Variants in SKIC3 observed in about 807,000 individuals in gnomAD.
SKIC3 encodes the protein superkiller complex protein 3.
chr5:95,546,191 T>C, the SKIC3 span, among the ~76,000 whole-genome samples: 54 of 152,060 alleles, frequency 3.6e-4, no homozygotes, highest in African/African-American at 1.3e-3. Flanking sequence ...ATCATGCCCA[T>C]CTCCAAACCT....
chr5:95,467,605 A>C, the SKIC3 span, among the ~76,000 whole-genome samples: 4 of 152,166 alleles, frequency 2.6e-5, no homozygotes, highest in Non-Finnish European at 4.4e-5. Flanking sequence ...CGAAAGGAGA[A>C]TGTCATAACT....
the SKIC3 span, chr5:95,516,905 T>G: frequency 1.1e-5 from 17 of 1,574,564 alleles, no homozygotes; most frequent in Non-Finnish European, 1.5e-5. Context: ...AAAAATTTAT[T>G]TATACCATAC....
the SKIC3 span, among the ~76,000 whole-genome samples, chr5:95,491,508 A>T: frequency 6.6e-6 from 1 of 152,348 alleles, no homozygotes; most frequent in Non-Finnish European, 1.5e-5. Flanking sequence ...CTAATAGGCA[A>T]GCAGAAAAGT....
chr5:95,520,914 T>C, the SKIC3 span: 11 of 906,520 alleles, frequency 1.2e-5, no homozygotes, highest in Non-Finnish European at 1.8e-5. Flanking sequence ...TTTAAAGCAC[T>C]TTCCAGAAAA....
chr5:95,501,232 A>T, the SKIC3 span, among the ~76,000 whole-genome samples: 1 of 152,148 alleles, frequency 6.6e-6, no homozygotes, highest in Admixed American at 6.5e-5. Flanking sequence ...TAATAAACAA[A>T]ATCTAAATTA....
At chr5:95,543,325 T>G in the SKIC3 span, 6 of 1,613,864 alleles carry the variant, frequency 3.7e-6, no homozygotes, top group Non-Finnish European at 5.1e-6. Context: ...GCTTTAACAC[T>G]GTCTGATTTA....
At chr5:95,537,075 G>C in the SKIC3 span, 1 of 1,613,472 alleles carries the variant, frequency 6.2e-7, no homozygotes, top group East Asian at 2.2e-5. Flanking sequence ...TGCCTATAAA[G>C]TACTTGGTGA....
chr5:95,492,678 A>AAAAAAAAAAAAAAAAAAAAAC, the SKIC3 span, among the ~76,000 whole-genome samples: 1 of 142,384 alleles, frequency 7.0e-6, no homozygotes, highest in Non-Finnish European at 1.5e-5. Flanking sequence ...AAAAAAAAAA[A>AAAAAAAAAAAAAAAAAAAAAC]AAAAAAAAAA....
At chr5:95,539,613 G>T in the SKIC3 span, among the ~76,000 whole-genome samples, 3 of 152,166 alleles carry the variant, frequency 2.0e-5, no homozygotes, top group African/African-American at 7.2e-5. Flanking sequence ...GGGGGCTGAA[G>T]TGGGCGGGTC....
chr5:95,550,845 G>T, the SKIC3 span: 1 of 151,900 alleles, frequency 6.6e-6, no homozygotes, highest in Non-Finnish European at 1.5e-5. Context: ...CTTCTGAATT[G>T]GTCTAAACTA....
the SKIC3 span, among the ~76,000 whole-genome samples, chr5:95,527,574 C>G: frequency 6.6e-6 from 1 of 152,142 alleles, no homozygotes; most frequent in East Asian, 1.9e-4. Flanking sequence ...ACTCAAAACA[C>G]TAAGAAATCG....
At chr5:95,474,770 A>G in the SKIC3 span, among the ~76,000 whole-genome samples, 2 of 152,324 alleles carry the variant, frequency 1.3e-5, no homozygotes, top group African/African-American at 4.8e-5. Flanking sequence ...CTCTTTACAT[A>G]ATCCCATATT....
the SKIC3 span, chr5:95,498,325 A>T: frequency 1.3e-6 from 2 of 1,558,972 alleles, no homozygotes; most frequent in Non-Finnish European, 1.8e-6. Flanking sequence ...AAATGCAACC[A>T]TATCAAGTAT....
chr5:95,468,156 T>C, the SKIC3 span, among the ~76,000 whole-genome samples: 1 of 152,180 alleles, frequency 6.6e-6, no homozygotes, highest in Non-Finnish European at 1.5e-5. Context: ...TTAATATCTA[T>C]TGAGTGTTTA....
At chr5:95,533,842 CTATTATTTTG>C in the SKIC3 span, among the ~76,000 whole-genome samples, 1 of 151,822 alleles carries the variant, frequency 6.6e-6, no homozygotes, top group South Asian at 2.1e-4. Context: ...CTATTTTTTT[CTATTATTTTG>C]TAGGCTTTTT....
chr5:95,468,726 G>A, the SKIC3 span, among the ~76,000 whole-genome samples: 1 of 152,182 alleles, frequency 6.6e-6, no homozygotes, highest in South Asian at 2.1e-4. Context: ...CACGTAGTAA[G>A]CACGTTGTTA....
At chr5:95,489,935 C>G in the SKIC3 span, among the ~76,000 whole-genome samples, 5 of 152,076 alleles carry the variant, frequency 3.3e-5, no homozygotes, top group African/African-American at 1.2e-4. Context: ...CAAAAGCCTA[C>G]TTTTCTTAAT....
chr5:95,512,837 C>T, the SKIC3 span: 52 of 531,698 alleles, frequency 9.8e-5, no homozygotes, highest in African/African-American at 4.6e-4. Context: ...AAGAATCAAA[C>T]GGGATAAAAT....
the SKIC3 span, chr5:95,506,914 T>C: frequency 1.2e-6 from 2 of 1,611,786 alleles, no homozygotes; most frequent in Non-Finnish European, 1.7e-6. Flanking sequence ...ACAGAATTAA[T>C]GGAGAAAAAA....
Sources: allele counts gnomAD v4.1 joint callset (sites outside exome capture counted in the v4.1 genomes callset), GRCh38; gene constraint gnomAD v4.1.1; transcripts MANE v1.5; gene names NCBI Gene and HGNC (gene_info 2026-07-23, HGNC 2026-07-21).